FRAS1: variants seen among roughly 807,000 people sequenced by gnomAD.
FRAS1 encodes extracellular matrix organizing protein FRAS1.
A neutral mutation model predicts 435.2 loss-of-function variants in FRAS1; 290 were observed. The ratio of observed to expected loss-of-function variants is 0.67; its 90% CI spans 0.61 to 0.73. The LOEUF (loss-of-function observed/expected upper bound fraction) is 0.73, where lower values mean the gene tolerates loss of function less well. FRAS1 is among the 30% of genes least tolerant of loss of function. FRAS1 has a pLI of 0.00. For missense variants in FRAS1, 4,860 were observed against 5,001.5 expected, an observed-to-expected ratio of 0.97 and a Z score of 0.85; for synonymous variants, 1,800 against 1,851.0, an observed-to-expected ratio of 0.97 and a Z score of 0.71.
At chr4:78,477,491 T>G (rs1719884802) in intron 54 of FRAS1, among the ~76,000 whole-genome samples, 1 of 152,184 alleles carries the variant, frequency 6.6e-6, no homozygotes, top group African/African-American at 2.4e-5. Flanking sequence ...AGTCATCAAA[T>G]GATGACTGTT....
chr4:78,340,246 T>C (rs543722119), intron 20 of FRAS1, among the ~76,000 whole-genome samples: 1 of 152,158 alleles, frequency 6.6e-6, no homozygotes, highest in South Asian at 2.1e-4. Flanking sequence ...AAAAGGAAAA[T>C]CTTGGCTGTC....
chr4:78,443,800 T>C, intron 41 of FRAS1, among the ~76,000 whole-genome samples: 1 of 152,266 alleles, frequency 6.6e-6, no homozygotes, highest in East Asian at 1.9e-4. Context: ...TGATTTAAAA[T>C]GAGGCACTAT....
chr4:78,445,046 G>A (rs892131441), intron 41 of FRAS1, among the ~76,000 whole-genome samples: 2 of 152,190 alleles, frequency 1.3e-5, no homozygotes, highest in Admixed American at 1.3e-4. Context: ...CACTACAGAT[G>A]TTTTTAGATT....
intron 2 of FRAS1, among the ~76,000 whole-genome samples, chr4:78,096,170 C>G (rs1181227424): frequency 6.6e-6 from 1 of 152,240 alleles, no homozygotes; most frequent in Non-Finnish European, 1.5e-5. Context: ...GCAGGGCAGT[C>G]AAATTTTAAA....
chr4:78,268,109 T>C (rs1191365895), intron 9 of FRAS1, among the ~76,000 whole-genome samples: 4 of 152,184 alleles, frequency 2.6e-5, no homozygotes, highest in Non-Finnish European at 5.9e-5. Context: ...CAAATTGCTT[T>C]TAAAGTTGTC....
At chr4:78,451,708 C>G in intron 45 of FRAS1, 64 bp from the exon 46 acceptor site, 2 of 1,400,490 alleles carry the variant, frequency 1.4e-6, no homozygotes, top group Non-Finnish European at 1.9e-6. Context: ...ATTCACACCT[C>G]TTGCTTCAGA....
chr4:78,262,131 C>A (rs1726137131), intron 6 of FRAS1, among the ~76,000 whole-genome samples: 1 of 152,098 alleles, frequency 6.6e-6, no homozygotes, highest in Admixed American at 6.6e-5. Flanking sequence ...ATTTCTTTTT[C>A]TTTCTCCACT....
intron 9 of FRAS1, among the ~76,000 whole-genome samples, chr4:78,273,539 G>C (rs1369519091): frequency 6.6e-6 from 1 of 152,154 alleles, no homozygotes; most frequent in Non-Finnish European, 1.5e-5. Flanking sequence ...GTTGAATTTT[G>C]TCAAAGGCGT....
chr4:78,387,573 G>T lies in FRAS1; in HGVS notation c.3847G>T (p.Glu1283Ter), dbSNP rs1216838940. The T allele has an allele frequency of 6.2e-7, 1 of 1,613,776 alleles. No homozygotes were observed. The highest frequency in any genetic ancestry group is 8.5e-7 in the Non-Finnish European group (1 of 1,179,798). Residue 1283 changes from glutamate (E) to a stop codon, truncating the protein, a stop_gained, in exon 29 of 74, where the codon GAA becomes TAA. Transcript: ENST00000512123. LOFTEE classifies it high-confidence loss of function. ...ATPIYQFQLD[E>*]LSRGLLHYAH... is the part of the protein sequence containing the mutation. Reference sequence around the variant, plus strand: ...CCCTATCTATCAATTCCAGCTGGATGAACTCTCTAGAGGCCTTCTCCACTA... The same window carrying T: ...CCCTATCTATCAATTCCAGCTGGATTAACTCTCTAGAGGCCTTCTCCACTA...
At chr4:78,183,925 A>G (rs1722161750) in intron 2 of FRAS1, among the ~76,000 whole-genome samples, 1 of 152,142 alleles carries the variant, frequency 6.6e-6, no homozygotes, top group African/African-American at 2.4e-5. Flanking sequence ...GGGAAGTAGC[A>G]TTTATTTAGT....
chr4:78,424,818 C>T (rs1733935843), intron 35 of FRAS1, among the ~76,000 whole-genome samples: 1 of 151,822 alleles, frequency 6.6e-6, no homozygotes, highest in Non-Finnish European at 1.5e-5. Flanking sequence ...TGGCACATGC[C>T]TGGAGTCCTA....
At chr4:78,454,375 G>C (rs1719121807) in intron 47 of FRAS1, among the ~76,000 whole-genome samples, 1 of 152,230 alleles carries the variant, frequency 6.6e-6, no homozygotes, top group African/African-American at 2.4e-5. Context: ...GAGGCAGACT[G>C]CATCTGGGTC....
At chr4:78,134,650 T>G (rs1719845723) in intron 2 of FRAS1, among the ~76,000 whole-genome samples, 1 of 152,246 alleles carries the variant, frequency 6.6e-6, no homozygotes, top group South Asian at 2.1e-4. Flanking sequence ...GTTTTACCTA[T>G]GGATTTAAAG....
chr4:78,123,358 C>T (rs1047512691), intron 2 of FRAS1, among the ~76,000 whole-genome samples: 11 of 152,218 alleles, frequency 7.2e-5, no homozygotes, highest in South Asian at 6.2e-4. Flanking sequence ...GTACCAGTAC[C>T]GTGCTGTTTC....
chr4:78,224,148 T>C (rs1034798166), intron 2 of FRAS1, among the ~76,000 whole-genome samples: 2 of 152,130 alleles, frequency 1.3e-5, no homozygotes, highest in African/African-American at 4.8e-5. Context: ...AGACAGGCTA[T>C]AGGTAATAGT....
At chr4:78,289,453 C>T (rs540280571) in intron 14 of FRAS1, among the ~76,000 whole-genome samples, 5 of 152,284 alleles carry the variant, frequency 3.3e-5, no homozygotes, top group African/African-American at 1.2e-4. Context: ...GACCACTGTA[C>T]ATTAAGGCTT....
chr4:78,357,739 T>C (rs374849652), intron 20 of FRAS1, among the ~76,000 whole-genome samples: 99 of 152,062 alleles, frequency 6.5e-4, no homozygotes, highest in African/African-American at 2.3e-3. Flanking sequence ...CCTGTCTGTA[T>C]GAAAAATAAA....
intron 2 of FRAS1, among the ~76,000 whole-genome samples, chr4:78,172,141 T>G (rs2110038498): frequency 6.6e-6 from 1 of 152,220 alleles, no homozygotes; most frequent in African/African-American, 2.4e-5. Flanking sequence ...CCTCACTGTT[T>G]CCCTGTAGTG....
At chr4:78,223,311 G>A (rs948417855) in intron 2 of FRAS1, among the ~76,000 whole-genome samples, 1 of 152,180 alleles carries the variant, frequency 6.6e-6, no homozygotes, top group African/African-American at 2.4e-5. Flanking sequence ...GCCAGTTGTG[G>A]CCCATCATGC....
Sources: gnomAD v4.1 joint callset for allele counts (sites outside exome capture counted in the v4.1 genomes callset) on GRCh38, gnomAD v4.1.1 for gene constraint, MANE v1.5 for transcripts, NCBI Gene and HGNC (gene_info 2026-07-23, HGNC 2026-07-21) for gene names.